FSTL1: variants seen among roughly 807,000 people sequenced by gnomAD.
FSTL1 encodes follistatin like 1.
FSTL1 carries 24 observed loss-of-function variants against 45.9 expected under a neutral mutation model. The ratio of observed to expected loss-of-function variants is 0.52; its 90% confidence interval spans 0.38 to 0.74. FSTL1 has a LOEUF of 0.74. FSTL1 is among the 30% of genes least tolerant of loss of function. The probability of loss-of-function intolerance (pLI) is 0.00; values close to 1 mark genes in which losing one functional copy is unlikely to be tolerated. For missense variants in FSTL1, 340 were observed against 381.8 expected (o/e 0.89, Z 0.91); for synonymous variants, 120 against 137.6 (o/e 0.87, Z 0.89).
intron 6 of FSTL1, among the ~76,000 whole-genome samples, chr3:120,405,748 T>C (rs1277442051): frequency 6.6e-6 from 1 of 152,222 alleles, no homozygotes; most frequent in Non-Finnish European, 1.5e-5. Context: ...CTGTTCTCTA[T>C]GGCAAGATGC....
At chr3:120,411,770 C>A (rs1158528956) in intron 4 of FSTL1, 84 bp downstream of exon 4, 2 of 1,231,298 alleles carry the variant, frequency 1.6e-6, no homozygotes, top group Non-Finnish European at 1.2e-6. Context: ...GGAGGAAAGA[C>A]CATGTGGTCA....
chr3:120,418,363 C>T (rs192149056), intron 2 of FSTL1, among the ~76,000 whole-genome samples: 5 of 152,288 alleles, frequency 3.3e-5, no homozygotes, highest in Admixed American at 2.0e-4. Flanking sequence ...CAACTCGTAT[C>T]TTCAACCACT....
intron 9 of FSTL1, among the ~76,000 whole-genome samples, chr3:120,401,774 G>T (rs1021587380): frequency 4.6e-5 from 7 of 152,062 alleles, no homozygotes; most frequent in African/African-American, 1.7e-4. Flanking sequence ...TAGGGACATG[G>T]TCTCGCTATG....
In FSTL1 at chr3:120,402,793, T is replaced by C; in HGVS notation, c.805+15A>G. On this transcript the variant is annotated intron_variant, in intron 9 of 10. Transcript: ENST00000295633. ...CTCCTTGCTGTTTTTTCTTTCTGCT[T>C]GAAGCACAGCTCACCGTCACAGGTC... is the stretch of plus-strand genomic sequence containing the variant. The C allele has an allele frequency of 6.9e-7, 1 of 1,446,924 alleles. No homozygotes were observed. Among genetic ancestry groups the C allele is most frequent in the Non-Finnish European group, 9.7e-7 (1 of 1,027,290 alleles). 89.6% of individuals were successfully genotyped at this position (1,446,924 alleles called of 1,614,324 possible).
chr3:120,398,040 A>G (rs747880673), intron 10 of FSTL1, among the ~76,000 whole-genome samples: 1 of 152,196 alleles, frequency 6.6e-6, no homozygotes, highest in Non-Finnish European at 1.5e-5. Flanking sequence ...TATGTCCAGA[A>G]CAGGCAAATT....
At chr3:120,400,958 A>G (rs1936814714) in intron 9 of FSTL1, among the ~76,000 whole-genome samples, 1 of 152,222 alleles carries the variant, frequency 6.6e-6, no homozygotes, top group Admixed American at 6.5e-5. Context: ...GGCTGTGGAA[A>G]TGGGCAACAT....
In FSTL1 at chr3:120,425,502, C is replaced by T. The variant is rs140153603; in HGVS notation, c.64-9475G>A. ...GAAATGGGCCCTGGATATATCTCTG[C>T]CTCTAACATATGGTGTGACATGGGG... is the stretch of plus-strand genomic sequence containing the variant. On this transcript the variant is annotated intron_variant, in intron 2 of 10. Coordinates refer to ENST00000295633, the MANE Select transcript of FSTL1 (RefSeq NM_007085.5). Among the ~76,000 whole-genome samples, 3 of 152,246 alleles carry T rather than the reference C, an allele frequency of 2.0e-5. No individual in the cohort carries two copies. The East Asian group carries it at 5.8e-4, about 29-fold the overall frequency.
intron 6 of FSTL1, among the ~76,000 whole-genome samples, chr3:120,406,665 C>T (rs1163793244): frequency 1.3e-5 from 2 of 152,204 alleles, no homozygotes; most frequent in Non-Finnish European, 2.9e-5. Flanking sequence ...AATTCTGGTG[C>T]CTGCCCCAGA....
intron 2 of FSTL1, among the ~76,000 whole-genome samples, chr3:120,436,614 G>A (rs879601887): frequency 2.0e-4 from 31 of 152,186 alleles, no homozygotes; most frequent in Admixed American, 6.5e-5. Flanking sequence ...CTGTCAGCAA[G>A]ACCAAGGCCA....
At chr3:120,438,241 A>C (rs371704554) in intron 2 of FSTL1, 31 of 145,110 alleles carry the variant, frequency 2.1e-4, no homozygotes, top group African/African-American at 7.6e-4. Flanking sequence ...CAAACTGCAC[A>C]CTCTGAATTA....
chr3:120,403,048 A>G (rs1339049439), intron 8 of FSTL1, 130 bp from the exon 9 acceptor site: 1 of 735,152 alleles, frequency 1.4e-6, no homozygotes, highest in Non-Finnish European at 2.5e-6. Flanking sequence ...ACTATATCTG[A>G]GCAAACACTA....
At position 120,392,864 on chromosome 3, in the gene FSTL1, T is replaced by G. The variant is rs1936619429; in HGVS notation, c.*4088A>C. On this transcript the variant is annotated 3_prime_UTR_variant, in exon 11 of 11. Coordinates refer to ENST00000295633, the MANE Select transcript of FSTL1 (RefSeq NM_007085.5). ...TTCAGAAATAATTCAAGAGGACTGATGATAACTTGATAAAGAAGCTCTAAA... is the reference window on the plus strand; with the variant it reads ...TTCAGAAATAATTCAAGAGGACTGAGGATAACTTGATAAAGAAGCTCTAAA... The G allele has an allele frequency of 7.0e-6, 1 of 143,600 alleles. No homozygotes were observed. Among genetic ancestry groups the G allele is most frequent in the African/African-American group, 2.8e-5 (1 of 35,218 alleles). 8.9% of individuals were successfully genotyped at this position (143,600 alleles called of 1,614,324 possible).
At position 120,450,937 on chromosome 3, in the gene FSTL1, G is replaced by C; in HGVS notation, c.-41C>G. On this transcript the variant is annotated 5_prime_UTR_variant, in exon 1 of 11. Coordinates refer to ENST00000295633, the MANE Select transcript of FSTL1 (RefSeq NM_007085.5). The stretch of plus-strand genomic sequence containing the variant: ...GTCTCCTGGGGGCGCGGGGCAGGAC[G>C]GCGGCAGCGAGCTGTAAGCGGAGGT... The C allele has an allele frequency of 2.1e-6, 1 of 479,010 alleles. No individual in the cohort carries two copies. 29.7% of individuals were successfully genotyped at this position (479,010 alleles called of 1,614,324 possible).
At chr3:120,436,350 ACATTTCCCAGTCC>A (rs1361317710) in intron 2 of FSTL1, among the ~76,000 whole-genome samples, 1 of 152,112 alleles carries the variant, frequency 6.6e-6, no homozygotes, top group East Asian at 1.9e-4. Context: ...TCTACTCAAA[ACATTTCCCAGTCC>A]CATTCTCCCT....
chr3:120,430,594 G>C (rs1376659013), intron 2 of FSTL1, among the ~76,000 whole-genome samples: 1 of 152,132 alleles, frequency 6.6e-6, no homozygotes, highest in Non-Finnish European at 1.5e-5. Context: ...AACAAACTAA[G>C]AACTACATAA....
intron 7 of FSTL1, 79 bp from the exon 8 acceptor site, chr3:120,403,433 A>T (rs149053839): frequency 2.3e-6 from 2 of 864,390 alleles, no homozygotes; most frequent in Admixed American, 1.8e-5. Context: ...TCAGGACCAC[A>T]TACACCCAGG....
chr3:120,396,008 G>T lies in FSTL1; in HGVS notation c.*944C>A, dbSNP rs1333468098. ...TTTTATGAAGATGCTTCTTCCCCTG[G>T]CTTCGGTCTAAGGCACCCTTGCTCC... On this transcript the variant is annotated 3_prime_UTR_variant, in exon 11 of 11. Coordinates refer to ENST00000295633, the MANE Select transcript of FSTL1 (RefSeq NM_007085.5). 7.0e-6 allele frequency: 2 copies of T among 285,042 alleles called. No individual in the cohort carries two copies. Among genetic ancestry groups the T allele is most frequent in the African/African-American group, 2.3e-5 (1 of 42,602 alleles). The allele number at this position is 285,042 out of a possible 1,614,324, so 17.7% of individuals were successfully genotyped here.
chr3:120,443,234 C>T (rs1454656348), intron 2 of FSTL1, among the ~76,000 whole-genome samples: 1 of 149,596 alleles, frequency 6.7e-6, no homozygotes, highest in Non-Finnish European at 1.5e-5. Context: ...ATCTATCCCA[C>T]TGCCATGTTT....
intron 7 of FSTL1, among the ~76,000 whole-genome samples, chr3:120,403,945 C>CAAAAAAAAAAA (rs1560011583): frequency 2.7e-5 from 2 of 74,464 alleles, no homozygotes; most frequent in Admixed American, 1.4e-4. Context: ...AAAAAAAAAA[C>CAAAAAAAAAAA]AAAAACAAAA....
Sources: allele counts gnomAD v4.1 joint callset (sites outside exome capture counted in the v4.1 genomes callset), GRCh38; gene constraint gnomAD v4.1.1; transcripts MANE v1.5; gene names NCBI Gene and HGNC (gene_info 2026-07-23, HGNC 2026-07-21).